LOC128462377: variants seen among roughly 807,000 people sequenced by gnomAD.
At chr16:89,381,148 C>T in the LOC128462377 span, among the ~76,000 whole-genome samples, 1 of 151,982 alleles carries the variant, frequency 6.6e-6, no homozygotes, top group East Asian at 1.9e-4. Context: ...CATGGCGAAA[C>T]CCTATTTCTA....
At chr16:89,387,722 G>A in the LOC128462377 span, among the ~76,000 whole-genome samples, 1 of 149,200 alleles carries the variant, frequency 6.7e-6, no homozygotes. Flanking sequence ...ACTGTGCTTG[G>A]CCGGGCACGG....
chr16:89,321,424 C>T, the LOC128462377 span, among the ~76,000 whole-genome samples: 1 of 38,822 alleles, frequency 2.6e-5, no homozygotes, highest in South Asian at 9.3e-4. Context: ...GACTGTGGGG[C>T]GGGGCCTGCA....
chr16:89,322,806 G>A, the LOC128462377 span, among the ~76,000 whole-genome samples: 1 of 152,244 alleles, frequency 6.6e-6, no homozygotes, highest in African/African-American at 2.4e-5. Context: ...TGCAGCACAC[G>A]GCCATGCTCC....
At chr16:89,384,266 C>T in the LOC128462377 span, among the ~76,000 whole-genome samples, 2 of 152,144 alleles carry the variant, frequency 1.3e-5, no homozygotes, top group African/African-American at 4.8e-5. Context: ...CACGGTGGCT[C>T]ACGCCTGTAA....
At chr16:89,354,236 A>T in the LOC128462377 span, among the ~76,000 whole-genome samples, 15 of 130,258 alleles carry the variant, frequency 1.2e-4, no homozygotes, top group African/African-American at 3.9e-4. Context: ...TAAATTTTGC[A>T]TTCAGCCAAA....
the LOC128462377 span, among the ~76,000 whole-genome samples, chr16:89,399,691 C>A: frequency 6.6e-6 from 1 of 152,134 alleles, no homozygotes; most frequent in African/African-American, 2.4e-5. Context: ...AGGGCGGTCG[C>A]GACTATAACA....
At chr16:89,380,551 G>A in the LOC128462377 span, among the ~76,000 whole-genome samples, 1 of 97,600 alleles carries the variant, frequency 1.0e-5, no homozygotes, top group East Asian at 3.0e-4. Flanking sequence ...ACGAAGAGCA[G>A]CCCCAGGACC....
chr16:89,358,438 T>C, the LOC128462377 span, among the ~76,000 whole-genome samples: 1 of 152,240 alleles, frequency 6.6e-6, no homozygotes, highest in African/African-American at 2.4e-5. Flanking sequence ...TGGTACTCAA[T>C]TTCCAGGTTG....
the LOC128462377 span, among the ~76,000 whole-genome samples, chr16:89,364,219 T>C: frequency 2.0e-5 from 3 of 152,326 alleles, no homozygotes; most frequent in South Asian, 2.1e-4. Flanking sequence ...TCAGGCAACA[T>C]GTGGGGGCCC....
the LOC128462377 span, among the ~76,000 whole-genome samples, chr16:89,372,611 T>C: frequency 6.6e-6 from 1 of 152,154 alleles, no homozygotes; most frequent in Non-Finnish European, 1.5e-5. Flanking sequence ...AAAATTAAAA[T>C]ACTGAAATTA....
chr16:89,392,183 G>C, the LOC128462377 span, among the ~76,000 whole-genome samples: 1 of 152,200 alleles, frequency 6.6e-6, no homozygotes, highest in Admixed American at 6.5e-5. Context: ...AAATGACCCT[G>C]GTCTCCTTCA....
chr16:89,324,554 G>A, the LOC128462377 span: 13 of 455,774 alleles, frequency 2.9e-5, no homozygotes, highest in East Asian at 4.9e-4. Context: ...GACGGGGAGA[G>A]GCCGACGAAC....
chr16:89,329,323 A>C, the LOC128462377 span, among the ~76,000 whole-genome samples: 1 of 152,190 alleles, frequency 6.6e-6, no homozygotes, highest in South Asian at 2.1e-4. Context: ...CCACTGGGCG[A>C]AGGTGGGGAA....
At chr16:89,318,134 T>C in the LOC128462377 span, among the ~76,000 whole-genome samples, 11 of 152,338 alleles carry the variant, frequency 7.2e-5, no homozygotes, top group East Asian at 1.9e-3. Context: ...GCTGCCCCTC[T>C]GCGACACACG....
the LOC128462377 span, among the ~76,000 whole-genome samples, chr16:89,367,319 CCCT>C: frequency 1.3e-5 from 2 of 152,244 alleles, no homozygotes; most frequent in Admixed American, 1.3e-4. Flanking sequence ...TACCGGGAGC[CCCT>C]CCTCCTGAGC....
At chr16:89,393,290 C>T in the LOC128462377 span, among the ~76,000 whole-genome samples, 1 of 151,140 alleles carries the variant, frequency 6.6e-6, no homozygotes, top group African/African-American at 2.4e-5. Context: ...TTAGTTTCCT[C>T]TTTTTTTTAC....
chr16:89,372,061 T>A, the LOC128462377 span, among the ~76,000 whole-genome samples: 3 of 151,954 alleles, frequency 2.0e-5, no homozygotes, highest in African/African-American at 7.3e-5. Context: ...AACCAGTGGG[T>A]CCCCAGGTGG....
chr16:89,328,077 T>G, the LOC128462377 span, among the ~76,000 whole-genome samples: 429 of 152,026 alleles, frequency 2.8e-3, no homozygotes, highest in African/African-American at 0.01. Context: ...TCAGAAGAGG[T>G]GCACGTGGTG....
chr16:89,317,146 G>A, the LOC128462377 span: 34 of 1,024,910 alleles, frequency 3.3e-5, no homozygotes, highest in African/African-American at 6.3e-5. Flanking sequence ...CTCTCACACC[G>A]CACTCAACAG....
Sources: gnomAD v4.1 joint callset for allele counts (sites outside exome capture counted in the v4.1 genomes callset) on GRCh38, gnomAD v4.1.1 for gene constraint, MANE v1.5 for transcripts.